Variants in BLTP1 observed in about 807,000 individuals in gnomAD.
BLTP1 encodes the protein fragile site-associated protein.
At chr4:122,296,349 A>G in the BLTP1 span, among the ~76,000 whole-genome samples, 1 of 152,238 alleles carries the variant, frequency 6.6e-6, no homozygotes, top group Non-Finnish European at 1.5e-5. Context: ...ACCTAGGAAT[A>G]CAGCTAACAA....
the BLTP1 span, chr4:122,359,527 G>T: frequency 6.3e-7 from 1 of 1,597,842 alleles, no homozygotes; most frequent in African/African-American, 1.3e-5. Context: ...TAACATAAAT[G>T]TATCATACTA....
chr4:122,190,161 A>C, the BLTP1 span: 1 of 1,545,534 alleles, frequency 6.5e-7, no homozygotes, highest in East Asian at 2.3e-5. Flanking sequence ...CAGTGGCGTA[A>C]TCATAGTCCA....
At chr4:122,297,626 T>G in the BLTP1 span, among the ~76,000 whole-genome samples, 1 of 152,186 alleles carries the variant, frequency 6.6e-6, no homozygotes, top group Non-Finnish European at 1.5e-5. Flanking sequence ...ATTGCAGCAC[T>G]ATTCACAATA....
chr4:122,192,520 A>G, the BLTP1 span: 10 of 611,266 alleles, frequency 1.6e-5, no homozygotes, highest in South Asian at 1.4e-4. Context: ...TGATCCAAAG[A>G]AAAACTTGCT....
the BLTP1 span, among the ~76,000 whole-genome samples, chr4:122,160,661 T>C: frequency 3.2e-4 from 49 of 152,324 alleles, no homozygotes; most frequent in African/African-American, 1.1e-3. Context: ...TTTACATGAA[T>C]TAAACACTCC....
At chr4:122,280,447 G>A in the BLTP1 span, among the ~76,000 whole-genome samples, 2 of 152,086 alleles carry the variant, frequency 1.3e-5, no homozygotes, top group African/African-American at 4.8e-5. Context: ...TATTCCCTAT[G>A]TCTGTAGCCT....
the BLTP1 span, chr4:122,189,034 CTG>C: frequency 1.0e-6 from 1 of 983,328 alleles, no homozygotes; most frequent in Non-Finnish European, 1.2e-6. Context: ...GGAATGTGGA[CTG>C]TGCACACAAA....
chr4:122,318,486 G>GT, the BLTP1 span, among the ~76,000 whole-genome samples: 1 of 152,180 alleles, frequency 6.6e-6, no homozygotes, highest in Non-Finnish European at 1.5e-5. Context: ...TATACAGCTA[G>GT]TAATCCTGGG....
chr4:122,180,469 T>C, the BLTP1 span, among the ~76,000 whole-genome samples: 3 of 152,200 alleles, frequency 2.0e-5, no homozygotes, highest in Admixed American at 6.5e-5. Context: ...CAGGTACTGT[T>C]CTAGGCACTC....
At chr4:122,345,366 A>T in the BLTP1 span, among the ~76,000 whole-genome samples, 2,086 of 152,234 alleles carry the variant, frequency 0.014, 26 homozygotes, top group Non-Finnish European at 0.019. Flanking sequence ...CACATTTTGA[A>T]AAATGAGTAG....
At chr4:122,309,803 C>T in the BLTP1 span, among the ~76,000 whole-genome samples, 1 of 152,118 alleles carries the variant, frequency 6.6e-6, no homozygotes, top group Non-Finnish European at 1.5e-5. Context: ...ATATCCAACT[C>T]ACCATAAAAC....
the BLTP1 span, among the ~76,000 whole-genome samples, chr4:122,334,876 A>G: frequency 6.6e-6 from 1 of 152,100 alleles, no homozygotes; most frequent in African/African-American, 2.4e-5. Context: ...CAAACTTGAG[A>G]GTACATTGGG....
chr4:122,347,844 T>A, the BLTP1 span: 4 of 1,146,242 alleles, frequency 3.5e-6, no homozygotes, highest in African/African-American at 6.2e-5. Flanking sequence ...TTAGTTACTC[T>A]CAGATTTCAG....
the BLTP1 span, chr4:122,152,567 G>C: frequency 1.0e-6 from 1 of 985,732 alleles, no homozygotes; most frequent in Non-Finnish European, 1.2e-6. Context: ...ATTTCGGGCT[G>C]CCTCGGCACT....
the BLTP1 span, chr4:122,208,612 A>C: frequency 1.5e-4 from 144 of 981,104 alleles, no homozygotes; most frequent in Non-Finnish European, 8.0e-5. Flanking sequence ...ATATCTGTGG[A>C]TACCCATGGA....
chr4:122,210,677 C>A, the BLTP1 span, among the ~76,000 whole-genome samples: 1 of 152,082 alleles, frequency 6.6e-6, no homozygotes, highest in East Asian at 1.9e-4. Flanking sequence ...TTATGTATTT[C>A]TCTCATATTT....
At chr4:122,169,899 G>A in the BLTP1 span, 2 of 985,082 alleles carry the variant, frequency 2.0e-6, no homozygotes, top group South Asian at 4.7e-5. Flanking sequence ...TGGAGGGTAA[G>A]AGGGATTTAT....
chr4:122,327,538 T>A, the BLTP1 span, among the ~76,000 whole-genome samples: 1 of 151,890 alleles, frequency 6.6e-6, no homozygotes. Flanking sequence ...ATTCTTCAGT[T>A]TGATTGATAC....
At chr4:122,239,672 G>A in the BLTP1 span, 5 of 1,613,972 alleles carry the variant, frequency 3.1e-6, no homozygotes, top group South Asian at 5.5e-5. Flanking sequence ...CTTTCTATGG[G>A]GACAAGCAGC....
Sources: allele counts gnomAD v4.1 joint callset (sites outside exome capture counted in the v4.1 genomes callset), GRCh38; gene constraint gnomAD v4.1.1; transcripts MANE v1.5; gene names NCBI Gene and HGNC (gene_info 2026-07-23, HGNC 2026-07-21).